The following DLGAP1 variants were observed in gnomAD, a reference collection of about 807,000 sequenced individuals.
DLGAP1 encodes the protein DLG associated protein 1.
DLGAP1 carries 11 observed loss-of-function variants against 90.8 expected under a neutral mutation model. That is an observed-to-expected ratio of 0.12 (90% CI 0.08 to 0.20). The LOEUF (loss-of-function observed/expected upper bound fraction) is 0.20. Ranked by LOEUF, DLGAP1 falls within the 10% of genes least tolerant of loss-of-function variation. DLGAP1 has a pLI of 1.00. For missense variants in DLGAP1, 1,050 were observed against 1,333.8 expected, an observed-to-expected ratio of 0.79 and a Z score of 3.31; for synonymous variants, 558 against 540.7, an observed-to-expected ratio of 1.03 and a Z score of -0.44.
chr18:3,965,040 T>C (rs2073293436), intron 3 of DLGAP1, among the ~76,000 whole-genome samples: 1 of 152,108 alleles, frequency 6.6e-6, no homozygotes, highest in African/African-American at 2.4e-5. Context: ...CAGAGGGTGA[T>C]TCCTGTTGTT....
intron 1 of DLGAP1, among the ~76,000 whole-genome samples, chr18:4,302,014 A>G (rs2080137778): frequency 1.3e-5 from 2 of 151,972 alleles, no homozygotes; most frequent in African/African-American, 4.8e-5. Flanking sequence ...GAATTGTTTG[A>G]GTTTCTTATA....
At chr18:3,825,939 C>A (rs1169028018) in intron 4 of DLGAP1, among the ~76,000 whole-genome samples, 1 of 152,136 alleles carries the variant, frequency 6.6e-6, no homozygotes, top group Non-Finnish European at 1.5e-5. Flanking sequence ...GAATACTATG[C>A]AGCCATAAAA....
At chr18:3,628,171 T>C (rs1004188273) in intron 7 of DLGAP1, among the ~76,000 whole-genome samples, 8 of 147,034 alleles carry the variant, frequency 5.4e-5, no homozygotes, top group South Asian at 2.2e-4. Flanking sequence ...CCACTGCGCC[T>C]GGCCTTGTGC....
chr18:3,529,027 T>C (rs550442192), intron 10 of DLGAP1, among the ~76,000 whole-genome samples: 13 of 152,326 alleles, frequency 8.5e-5, no homozygotes, highest in Non-Finnish European at 1.8e-4. Flanking sequence ...CTTGTCCTGA[T>C]CAGAAGAGCT....
intron 7 of DLGAP1, among the ~76,000 whole-genome samples, chr18:3,609,122 C>G (rs2057468883): frequency 6.6e-6 from 1 of 151,868 alleles, no homozygotes. Flanking sequence ...AGCTGCTGCA[C>G]CCAGCCTGAT....
At chr18:3,859,330 C>T (rs760691661) in intron 4 of DLGAP1, among the ~76,000 whole-genome samples, 35 of 152,216 alleles carry the variant, frequency 2.3e-4, no homozygotes, top group Non-Finnish European at 4.7e-4. Flanking sequence ...ATCTTTCACA[C>T]CAAGTTTAAA....
At chr18:3,788,264 G>A (rs773628739) in intron 5 of DLGAP1, among the ~76,000 whole-genome samples, 1 of 152,134 alleles carries the variant, frequency 6.6e-6, no homozygotes, top group Non-Finnish European at 1.5e-5. Flanking sequence ...TGATCGTATC[G>A]GGAAAAGATG....
chr18:3,689,045 T>C (rs571994261), intron 7 of DLGAP1, among the ~76,000 whole-genome samples: 2 of 152,312 alleles, frequency 1.3e-5, no homozygotes, highest in Admixed American at 6.5e-5. Context: ...AGAAAGACTA[T>C]AAGGCCCTAC....
chr18:3,821,535 C>T (rs558529419), intron 4 of DLGAP1, among the ~76,000 whole-genome samples: 7 of 152,180 alleles, frequency 4.6e-5, no homozygotes, highest in African/African-American at 9.6e-5. Flanking sequence ...TAAACGTTCT[C>T]GTGTCACTAA....
At chr18:4,017,369 G>A (rs1248534588) in intron 2 of DLGAP1, among the ~76,000 whole-genome samples, 3 of 152,166 alleles carry the variant, frequency 2.0e-5, no homozygotes, top group Non-Finnish European at 4.4e-5. Context: ...TGAATACTCA[G>A]AAAGAAAGCA....
chr18:3,690,967 G>A (rs1393881393), intron 7 of DLGAP1, among the ~76,000 whole-genome samples: 1 of 152,226 alleles, frequency 6.6e-6, no homozygotes, highest in Non-Finnish European at 1.5e-5. Flanking sequence ...AAATGGTACA[G>A]TATTGGCCTG....
chr18:3,582,521 C>T lies in DLGAP1; in HGVS notation c.1592-273G>A, dbSNP rs540567300. On this transcript the variant is annotated intron_variant, in intron 7 of 12. Coordinates refer to ENST00000315677, the MANE Select transcript of DLGAP1 (RefSeq NM_004746.4). ...TAAAATGGAAATTAATATGAATCAA[C>T]ATAAACTAGATACGATTAGCCCTCT... 1.6e-4 allele frequency among the ~76,000 whole-genome samples: 25 copies of T among 152,222 alleles called. No homozygotes were observed. The East Asian group carries it at 4.6e-3, about 28-fold the overall frequency.
chr18:4,318,206 A>G (rs2080582341), intron 1 of DLGAP1, among the ~76,000 whole-genome samples: 1 of 152,226 alleles, frequency 6.6e-6, no homozygotes, highest in Non-Finnish European at 1.5e-5. Flanking sequence ...AATATGGCAA[A>G]TGGCTCAAAT....
intron 7 of DLGAP1, among the ~76,000 whole-genome samples, chr18:3,585,824 C>T (rs1211604552): frequency 6.6e-6 from 1 of 152,150 alleles, no homozygotes; most frequent in African/African-American, 2.4e-5. Flanking sequence ...CAAAAAAAAG[C>T]TAGATAATTC....
At chr18:3,869,512 C>T (rs1313541220) in intron 4 of DLGAP1, among the ~76,000 whole-genome samples, 2 of 152,200 alleles carry the variant, frequency 1.3e-5, no homozygotes, top group South Asian at 2.1e-4. Flanking sequence ...GCCATGATCA[C>T]ACCACTGGAC....
chr18:3,823,824 C>T lies in DLGAP1; in HGVS notation c.958-9551G>A, dbSNP rs149424266. On this transcript the variant is annotated intron_variant, in intron 4 of 12. Transcript: ENST00000315677. ...AATTAGCCAGGCTTGGTGGCTGGCA[C>T]CTGTAATCCCAGCTACTCAGGAGGC... 3.4e-3 allele frequency among the ~76,000 whole-genome samples: 512 copies of T among 151,828 alleles called. 3 individuals carry two copies. The highest frequency in any genetic ancestry group is 0.011 in the African/African-American group (443 of 41,412).
intron 3 of DLGAP1, among the ~76,000 whole-genome samples, chr18:3,881,785 C>T (rs1201162441): frequency 2.0e-5 from 3 of 152,080 alleles, no homozygotes; most frequent in Non-Finnish European, 2.9e-5. Context: ...TGGTGGCAGG[C>T]GCCTGTAGTC....
At chr18:4,422,681 G>T (rs1382273309) in intron 1 of DLGAP1, among the ~76,000 whole-genome samples, 2 of 151,864 alleles carry the variant, frequency 1.3e-5, no homozygotes, top group Non-Finnish European at 2.9e-5. Flanking sequence ...ACATCACAAA[G>T]TCCAAACATC....
chr18:3,742,533 A>G lies in DLGAP1; in HGVS notation c.1173-21T>C, dbSNP rs377083614. 233 of 1,612,960 alleles carry G rather than the reference A, an allele frequency of 1.4e-4. 2 individuals are homozygous for G. In the South Asian group the frequency reaches 2.3e-3, roughly 16 times the overall value. The stretch of plus-strand genomic sequence containing the variant: ...AGATTCTGGAAGGGAACAATGGAAG[A>G]GGTGCATTAGTCACATTCCAAAATG... On this transcript the variant is annotated intron_variant, in intron 5 of 12. Coordinates refer to ENST00000315677, the MANE Select transcript of DLGAP1 (RefSeq NM_004746.4).
Sources: allele counts gnomAD v4.1 joint callset (sites outside exome capture counted in the v4.1 genomes callset), GRCh38; gene constraint gnomAD v4.1.1; transcripts MANE v1.5; gene names NCBI Gene and HGNC (gene_info 2026-07-23, HGNC 2026-07-21).